The following LCK variants were observed in gnomAD, a reference collection of about 807,000 sequenced individuals.
LCK encodes the protein tyrosine-protein kinase Lck.
LCK carries 14 observed loss-of-function variants against 64.6 expected under a neutral mutation model. The ratio of observed to expected loss-of-function variants is 0.22; its 90% confidence interval spans 0.14 to 0.34. The LOEUF (loss-of-function observed/expected upper bound fraction) is 0.34, where lower values mean the gene tolerates loss of function less well. Among genes scored for constraint, LCK ranks in the 10% least tolerant of loss-of-function variants. The probability of loss-of-function intolerance (pLI) is 1.00; values close to 1 mark genes in which losing one functional copy is unlikely to be tolerated. For missense variants in LCK, 434 were observed against 668.1 expected, an observed-to-expected ratio of 0.65 and a Z score of 3.86; for synonymous variants, 277 against 263.6, an observed-to-expected ratio of 1.05 and a Z score of -0.49.
At chr1:32,254,751 A>T (rs1334507023) in intron 1 of LCK, among the ~76,000 whole-genome samples, 1 of 152,116 alleles carries the variant, frequency 6.6e-6, no homozygotes, top group African/African-American at 2.4e-5. Flanking sequence ...ATCTCAGGTG[A>T]TCCGCCTGCC....
At chr1:32,273,428 G>A (rs1419668176) in intron 1 of LCK, among the ~76,000 whole-genome samples, 2 of 151,720 alleles carry the variant, frequency 1.3e-5, no homozygotes, top group Admixed American at 1.3e-4. Flanking sequence ...GAGAGAGTGT[G>A]TGTGTGGCAG....
At chr1:32,264,010 C>T (rs904992889) in intron 1 of LCK, among the ~76,000 whole-genome samples, 5 of 152,084 alleles carry the variant, frequency 3.3e-5, no homozygotes, top group African/African-American at 9.7e-5. Flanking sequence ...TACATAGGGA[C>T]GGTCGCTGCT....
chr1:32,281,587 T>C (rs1640461489), intron 12 of LCK, among the ~76,000 whole-genome samples: 1 of 152,158 alleles, frequency 6.6e-6, no homozygotes, highest in African/African-American at 2.4e-5. Context: ...CAAAGCCCTT[T>C]ACCCCTGAAT....
At position 32,275,402 on chromosome 1, in the gene LCK, C is replaced by G. The variant is rs745802797; in HGVS notation, c.360C>G (p.Asn120Lys). 6.2e-7 allele frequency: 1 copy of G among 1,614,158 alleles called. No homozygotes were observed. The highest frequency in any genetic ancestry group is 1.1e-5 in the South Asian group (1 of 91,086). The change falls in exon 5 of 13, where the codon AAC becomes AAG. Residue 120 changes from asparagine to lysine, a missense_variant. Physicochemically the swap from Asn to Lys is moderately conservative, Grantham distance 94. Transcript: ENST00000336890. This position sits in a 1 kb window ranked among gnomAD's most constrained non-coding sequence, Gnocchi z 6.9. Reference sequence around the variant, plus strand: ...CCTTCAATTTTGTGGCCAAAGCGAACAGCCTGGAGCCCGAACCGTAAGTGG... The same window carrying G: ...CCTTCAATTTTGTGGCCAAAGCGAAGAGCCTGGAGCCCGAACCGTAAGTGG... Reference protein sequence around the residue: ...FIPFNFVAKANSLEPEPWFFK... With the variant: ...FIPFNFVAKAKSLEPEPWFFK...
In LCK at chr1:32,276,891, G is replaced by T. The variant is rs539113674; in HGVS notation, c.964+105G>T. 1 of 1,248,932 alleles carries T rather than the reference G, an allele frequency of 8.0e-7. No individual in the cohort carries two copies. Among genetic ancestry groups the T allele is most frequent in the Non-Finnish European group, 1.1e-6 (1 of 932,246 alleles). 77.4% of individuals were successfully genotyped at this position (1,248,932 alleles called of 1,614,324 possible). On this transcript the variant is annotated intron_variant, in intron 9 of 12. Coordinates refer to ENST00000336890, the MANE Select transcript of LCK (RefSeq NM_005356.5). This position sits in a 1 kb window ranked among gnomAD's most constrained non-coding sequence, Gnocchi z 4.6. ...TTCTGGCCCAAAGCTCAAGCAAGGA[G>T]GGTTTCTTGAGCTTTCCTGCCCCCT...
chr1:32,279,562 C>A (rs1557588058), intron 9 of LCK, 109 bp from the exon 10 acceptor site: 4 of 1,588,510 alleles, frequency 2.5e-6, no homozygotes, highest in Non-Finnish European at 3.4e-6. Context: ...ACTCTTCAAT[C>A]TTCCTTTTCA....
intron 1 of LCK, among the ~76,000 whole-genome samples, chr1:32,266,320 G>A (rs1329036557): frequency 2.0e-5 from 3 of 149,392 alleles, no homozygotes; most frequent in East Asian, 2.0e-4. Context: ...GTGAAACCCC[G>A]TCTCTACTAA....
chr1:32,258,504 G>A (rs1639683394), intron 1 of LCK, among the ~76,000 whole-genome samples: 1 of 150,398 alleles, frequency 6.6e-6, no homozygotes, highest in African/African-American at 2.4e-5. Flanking sequence ...AAACCAGGCT[G>A]GGCGCAGTGG....
At chr1:32,279,556 T>G in intron 9 of LCK, 115 bp from the exon 10 acceptor site, 1 of 1,585,080 alleles carries the variant, frequency 6.3e-7, no homozygotes, top group East Asian at 2.3e-5. Context: ...ATTCTCACTC[T>G]TCAATCTTCC....
In LCK at chr1:32,275,607, G is replaced by T. The variant is rs772512580; in HGVS notation, c.416G>T (p.Arg139Leu). ...AACCTGAGCCGCAAGGACGCGGAGC[G>T]GCAGCTCCTGGCGCCCGGGAACACT... ...FKNLSRKDAE[R>L]QLLAPGNTHG... Residue 139 changes from arginine (R) to leucine (L), a missense_variant, in exon 6 of 13, where the codon CGG (arginine) becomes CTG (leucine). Arg to Leu is a moderately radical substitution (Grantham distance 102). Transcript: ENST00000336890. The surrounding 1 kb of genome is among the most constrained non-coding windows in gnomAD (Gnocchi z 6.9). The T allele has an allele frequency of 2.5e-6, 4 of 1,573,842 alleles. No individual in the cohort carries two copies. Among genetic ancestry groups the T allele is most frequent in the Non-Finnish European group, 3.4e-6 (4 of 1,159,824 alleles).
intron 1 of LCK, among the ~76,000 whole-genome samples, chr1:32,271,840 C>G (rs1194347412): frequency 2.6e-5 from 4 of 152,172 alleles, no homozygotes. Flanking sequence ...GATGAACCCC[C>G]ACTCTCATCA....
At position 32,280,001 on chromosome 1, in the gene LCK, G is replaced by A; in HGVS notation, c.1195+7G>A. 6.2e-7 allele frequency: 1 copy of A among 1,614,176 alleles called. No homozygotes were observed. Among genetic ancestry groups the A allele is most frequent in the Non-Finnish European group, 8.5e-7 (1 of 1,180,020 alleles). ...GAGTACACAGCCAGGGAGGGTACGTGTGAGATTTAAGGGTGGTCTGGGCCC... is the reference window on the plus strand; with the variant it reads ...GAGTACACAGCCAGGGAGGGTACGTATGAGATTTAAGGGTGGTCTGGGCCC... On this transcript the variant is annotated splice_region_variant and intron_variant, in intron 11 of 12. Transcript: ENST00000336890.
chr1:32,272,215 T>G (rs1216572325), intron 1 of LCK, among the ~76,000 whole-genome samples: 12 of 131,492 alleles, frequency 9.1e-5, no homozygotes, highest in African/African-American at 4.1e-4. Context: ...ACCTGGGAGG[T>G]AGAGGTTGCA....
chr1:32,257,942 CT>C (rs1223836031), intron 1 of LCK, among the ~76,000 whole-genome samples: 17 of 147,948 alleles, frequency 1.1e-4, no homozygotes, highest in South Asian at 2.2e-4. Flanking sequence ...CAAAATAATG[CT>C]TTTTTTTTTG....
chr1:32,277,893 C>T (rs1640330301), intron 9 of LCK, among the ~76,000 whole-genome samples: 1 of 152,200 alleles, frequency 6.6e-6, no homozygotes, highest in African/African-American at 2.4e-5. Flanking sequence ...ACTATGCCTA[C>T]TTCCAGGTGC....
intron 1 of LCK, among the ~76,000 whole-genome samples, chr1:32,261,451 G>T (rs1426388490): frequency 6.6e-6 from 1 of 151,436 alleles, no homozygotes; most frequent in South Asian, 2.1e-4. Flanking sequence ...TTCAAGACCA[G>T]CCTAGCCAAC....
chr1:32,274,969 C>T (rs866986533), intron 3 of LCK, 24 bp from the exon 4 acceptor site: 1 of 1,614,072 alleles, frequency 6.2e-7, no homozygotes, highest in African/African-American at 1.3e-5. Context: ...GCTCGGTTCT[C>T]CCTGATGCCC....
rs3738004 is a variant in LCK, at chr1:32,275,728, G to T, written c.481+56G>T. The stretch of plus-strand genomic sequence containing the variant: ...GGGGTGCCCCGGGGTGTGCCCGAGG[G>T]GGGGCGCAGGGTGAGCCCGAGGTGG... On this transcript the variant is annotated intron_variant, in intron 6 of 12. Transcript: ENST00000336890. The surrounding 1 kb of genome is among the most constrained non-coding windows in gnomAD (Gnocchi z 6.9). 7.3e-5 allele frequency: 108 copies of T among 1,480,152 alleles called. No individual in the cohort carries two copies. Among genetic ancestry groups the T allele is most frequent in the South Asian group, 3.3e-4 (27 of 82,792 alleles). 91.7% of individuals were successfully genotyped at this position (1,480,152 alleles called of 1,614,324 possible).
intron 1 of LCK, among the ~76,000 whole-genome samples, chr1:32,257,801 G>A (rs1048629277): frequency 6.6e-6 from 1 of 152,066 alleles, no homozygotes; most frequent in Non-Finnish European, 1.5e-5. Context: ...ACTGGTTGGG[G>A]GACTTCTACT....
Sources: allele counts gnomAD v4.1 joint callset (sites outside exome capture counted in the v4.1 genomes callset), GRCh38; gene constraint gnomAD v4.1.1; non-coding constraint Gnocchi (gnomAD v3.1); transcripts MANE v1.5; gene names NCBI Gene and HGNC (gene_info 2026-07-23, HGNC 2026-07-21).